The following GARIN1B variants were observed in gnomAD, a reference collection of about 807,000 sequenced individuals.
GARIN1B encodes the protein Golgi-associated RAB2 interactor protein 1B.
At chr7:128,715,893 C>A in the GARIN1B span, among the ~76,000 whole-genome samples, 1 of 151,790 alleles carries the variant, frequency 6.6e-6, no homozygotes, top group African/African-American at 2.4e-5. Context: ...ACAGCTGTCA[C>A]CCAGGGAGAA....
chr7:128,712,266 G>C, the GARIN1B span, among the ~76,000 whole-genome samples: 386 of 152,140 alleles, frequency 2.5e-3, 11 homozygotes, highest in East Asian at 0.063. Flanking sequence ...ACTTTTGTAG[G>C]GGTTTTAATT....
chr7:128,718,716 T>G, the GARIN1B span: 12 of 1,347,400 alleles, frequency 8.9e-6, no homozygotes, highest in Non-Finnish European at 1.2e-5. Context: ...TAAAGCACCC[T>G]CTTTTCTACC....
At chr7:128,715,586 G>C in the GARIN1B span, 7 of 1,614,188 alleles carry the variant, frequency 4.3e-6, no homozygotes, top group Non-Finnish European at 5.9e-6. Context: ...GCCGAACCCT[G>C]GAGCGGGCCT....
the GARIN1B span, among the ~76,000 whole-genome samples, chr7:128,712,389 G>T: frequency 6.6e-6 from 1 of 152,288 alleles, no homozygotes; most frequent in East Asian, 1.9e-4. Context: ...CATTCTCACT[G>T]TTTTGCAACC....
chr7:128,709,662 A>G, the GARIN1B span, among the ~76,000 whole-genome samples: 1 of 150,532 alleles, frequency 6.6e-6, no homozygotes, highest in African/African-American at 2.4e-5. Context: ...TTGTAGTATA[A>G]TGTTGTTGTT....
At chr7:128,716,710 T>A in the GARIN1B span, 1 of 981,098 alleles carries the variant, frequency 1.0e-6, no homozygotes, top group South Asian at 1.7e-5. Flanking sequence ...ACAAAGAATA[T>A]CCAACCCAAA....
chr7:128,710,063 GC>G, the GARIN1B span, among the ~76,000 whole-genome samples: 61 of 152,024 alleles, frequency 4.0e-4, 1 homozygote, highest in South Asian at 0.012. Flanking sequence ...GACTACAGTT[GC>G]CTGCCACTAC....
At chr7:128,725,593 A>G in the GARIN1B span, among the ~76,000 whole-genome samples, 1 of 152,108 alleles carries the variant, frequency 6.6e-6, no homozygotes, top group Non-Finnish European at 1.5e-5. Context: ...GCTGGTCTCA[A>G]ACTCCTGGCC....
At chr7:128,726,946 C>G in the GARIN1B span, 1 of 1,369,990 alleles carries the variant, frequency 7.3e-7, no homozygotes, top group Non-Finnish European at 1.0e-6. Flanking sequence ...CCCTCCAGCC[C>G]CCATCCTGGT....
the GARIN1B span, among the ~76,000 whole-genome samples, chr7:128,716,152 C>G: frequency 4.6e-5 from 7 of 152,224 alleles, no homozygotes; most frequent in Admixed American, 4.6e-4. Flanking sequence ...TGAATCTGGC[C>G]CCTTGATTGT....
the GARIN1B span, among the ~76,000 whole-genome samples, chr7:128,728,008 T>C: frequency 1.3e-5 from 2 of 152,170 alleles, no homozygotes; most frequent in Admixed American, 6.5e-5. Flanking sequence ...ACTAATAAAT[T>C]ATTCCTTCAC....
At chr7:128,711,412 T>C in the GARIN1B span, among the ~76,000 whole-genome samples, 1 of 151,934 alleles carries the variant, frequency 6.6e-6, no homozygotes, top group Non-Finnish European at 1.5e-5. Flanking sequence ...ATAAGTGTCC[T>C]AAAAAGGGGA....
At chr7:128,729,334 G>T in the GARIN1B span, among the ~76,000 whole-genome samples, 1 of 152,212 alleles carries the variant, frequency 6.6e-6, no homozygotes, top group Non-Finnish European at 1.5e-5. Flanking sequence ...TATTATTGCA[G>T]TGCTTCCCAA....
chr7:128,717,486 G>A, the GARIN1B span, among the ~76,000 whole-genome samples: 2 of 139,076 alleles, frequency 1.4e-5, no homozygotes, highest in African/African-American at 2.7e-5. Context: ...AAAGACTATC[G>A]CCCAGGCTGG....
At chr7:128,727,416 G>T in the GARIN1B span, among the ~76,000 whole-genome samples, 145 of 152,326 alleles carry the variant, frequency 9.5e-4, no homozygotes, top group African/African-American at 3.4e-3. Context: ...TGGGAGGCAT[G>T]GTTTCTGAAC....
the GARIN1B span, chr7:128,715,519 CT>C: frequency 6.2e-7 from 1 of 1,614,166 alleles, no homozygotes; most frequent in Non-Finnish European, 8.5e-7. Context: ...CCTATCCAAC[CT>C]TCCCTTCCCT....
At chr7:128,717,080 G>A in the GARIN1B span, 1 of 1,221,864 alleles carries the variant, frequency 8.2e-7, no homozygotes, top group Non-Finnish European at 1.1e-6. Context: ...TAAACTCAAG[G>A]AGAAGATAGA....
the GARIN1B span, among the ~76,000 whole-genome samples, chr7:128,724,529 G>A: frequency 1.3e-5 from 2 of 152,094 alleles, no homozygotes; most frequent in Non-Finnish European, 2.9e-5. Context: ...AAATGTCGCT[G>A]TATGTACAGA....
chr7:128,731,131 G>A, the GARIN1B span: 1 of 1,608,018 alleles, frequency 6.2e-7, no homozygotes, highest in Admixed American at 1.7e-5. Context: ...TTCCGCACTG[G>A]GGAGAATCTA....
Sources: allele counts gnomAD v4.1 joint callset (sites outside exome capture counted in the v4.1 genomes callset), GRCh38; gene constraint gnomAD v4.1.1; transcripts MANE v1.5; gene names NCBI Gene and HGNC (gene_info 2026-07-23, HGNC 2026-07-21).